Variants in ABCC1 observed in about 807,000 individuals in gnomAD.
ABCC1 encodes multidrug resistance-associated protein 1.
A neutral mutation model predicts 172.9 loss-of-function variants in ABCC1; 83 were observed. The observed-to-expected ratio is 0.48, with a 90% CI of 0.40 to 0.58. The LOEUF (loss-of-function observed/expected upper bound fraction) is 0.58. Ranked by LOEUF, ABCC1 falls within the 20% of genes least tolerant of loss-of-function variation. The pLI is 0.00. For missense variants in ABCC1, 1,817 were observed against 2,002.7 expected, an observed-to-expected ratio of 0.91 and a Z score of 1.77; for synonymous variants, 937 against 825.2, an observed-to-expected ratio of 1.14 and a Z score of -2.32.
intron 17 of ABCC1, among the ~76,000 whole-genome samples, chr16:16,086,087 G>A (rs2050994303): frequency 6.6e-6 from 1 of 152,154 alleles, no homozygotes; most frequent in African/African-American, 2.4e-5. Flanking sequence ...GTCACCAACA[G>A]CAGCAGTAAC....
intron 4 of ABCC1, among the ~76,000 whole-genome samples, chr16:16,015,226 A>G (rs539931342): frequency 6.8e-6 from 1 of 145,996 alleles, no homozygotes; most frequent in African/African-American, 2.6e-5. Flanking sequence ...TGTAACTTCT[A>G]CCTCCTATGT....
In ABCC1 at chr16:15,987,605, A is replaced by G. The variant is rs192193211; in HGVS notation, c.49-20211A>G. ...GTTGTGAAAACCCAGGATGTTTCCA[A>G]ATGTTGTCACATGTCCCCTGAGTGA... On this transcript the variant is annotated intron_variant, in intron 1 of 30. Coordinates refer to ENST00000399410, the MANE Select transcript of ABCC1 (RefSeq NM_004996.4). 2.0e-5 allele frequency among the ~76,000 whole-genome samples: 3 copies of G among 152,348 alleles called. No individual in the cohort carries two copies. In the East Asian group the frequency reaches 5.8e-4, roughly 29 times the overall value.
At chr16:16,140,715 A>G (rs900981512) in intron 30 of ABCC1, among the ~76,000 whole-genome samples, 1 of 152,216 alleles carries the variant, frequency 6.6e-6, no homozygotes, top group Non-Finnish European at 1.5e-5. Flanking sequence ...ACGCAGCCAC[A>G]TCTGTTCATT....
chr16:16,079,253 C>T (rs1418088017), intron 15 of ABCC1, 99 bp from the exon 16 acceptor site: 2 of 1,534,826 alleles, frequency 1.3e-6, no homozygotes, highest in Admixed American at 1.9e-5. Flanking sequence ...CTGTCTTTCT[C>T]TTTCTCTACT....
At chr16:16,098,945 AGGCCAGAGAC>A in intron 19 of ABCC1, 1 of 1,347,662 alleles carries the variant, frequency 7.4e-7, no homozygotes, top group South Asian at 1.1e-5. Context: ...TCATAGAATG[AGGCCAGAGAC>A]GGGCCGAGAC....
intron 23 of ABCC1, among the ~76,000 whole-genome samples, chr16:16,117,800 G>A (rs1413233914): frequency 6.6e-6 from 1 of 152,162 alleles, no homozygotes; most frequent in African/African-American, 2.4e-5. Context: ...CAGCTGCTCT[G>A]AAGGCTGAGA....
intron 29 of ABCC1, among the ~76,000 whole-genome samples, 186 bp downstream of exon 29, chr16:16,136,830 A>G (rs190715206): frequency 6.6e-6 from 1 of 152,164 alleles, no homozygotes; most frequent in Non-Finnish European, 1.5e-5. Context: ...GGCTCTTTGT[A>G]CCATGAGGTA....
At chr16:15,991,702 T>G (rs1236396420) in intron 1 of ABCC1, among the ~76,000 whole-genome samples, 1 of 152,186 alleles carries the variant, frequency 6.6e-6, no homozygotes, top group African/African-American at 2.4e-5. Context: ...GGGCTGTTCC[T>G]TCACCTTGCT....
chr16:16,105,815 C>T (rs544093938), intron 20 of ABCC1, among the ~76,000 whole-genome samples: 169 of 148,620 alleles, frequency 1.1e-3, no homozygotes, highest in Non-Finnish European at 1.7e-3. Flanking sequence ...CTGTGGGCGA[C>T]GCAATCTGTG....
intron 1 of ABCC1, among the ~76,000 whole-genome samples, chr16:15,965,390 C>T (rs1016824854): frequency 3.9e-5 from 6 of 152,006 alleles, no homozygotes; most frequent in Non-Finnish European, 8.8e-5. Flanking sequence ...CTCCCAGGTT[C>T]ACGCCATTCT....
intron 12 of ABCC1, among the ~76,000 whole-genome samples, chr16:16,057,698 T>A (rs1025191005): frequency 1.3e-5 from 2 of 152,190 alleles, no homozygotes; most frequent in African/African-American, 2.4e-5. Flanking sequence ...GGAATCATAC[T>A]GTACATAGTG....
chr16:16,025,821 C>T (rs879898689), intron 5 of ABCC1, among the ~76,000 whole-genome samples: 3 of 152,210 alleles, frequency 2.0e-5, no homozygotes, highest in African/African-American at 4.8e-5. Flanking sequence ...CTCCCTCTGC[C>T]TTCAGCCAGG....
In ABCC1 at chr16:16,142,880, G is replaced by A. The variant is rs2046177382; in HGVS notation, c.*1599G>A. On this transcript the variant is annotated 3_prime_UTR_variant, in exon 31 of 31. Transcript: ENST00000399410. ...AAGACTCAGACTTGCTAAGAATTAC[G>A]CCGCCGACTTCAAACCCAGAGAGCA... The A allele has an allele frequency of 1.3e-5, 2 of 152,558 alleles. No homozygotes were observed. The highest frequency in any genetic ancestry group is 2.1e-4 in the South Asian group (1 of 4,828). 9.5% of individuals were successfully genotyped at this position (152,558 alleles called of 1,614,324 possible). A position where few individuals can be genotyped will look rare whatever the true frequency, so the allele number is the denominator to read the frequency against.
At chr16:16,044,236 G>T (rs1203121534) in intron 7 of ABCC1, among the ~76,000 whole-genome samples, 2 of 152,224 alleles carry the variant, frequency 1.3e-5, no homozygotes. Context: ...TCACGCAGCT[G>T]GCCAGTGGCC....
chr16:16,087,725 C>T (rs1694881027), intron 18 of ABCC1, among the ~76,000 whole-genome samples: 1 of 152,210 alleles, frequency 6.6e-6, no homozygotes, highest in African/African-American at 2.4e-5. Context: ...TCCTGCAATG[C>T]TGGGATTACA....
chr16:15,970,113 CAA>C, intron 1 of ABCC1, among the ~76,000 whole-genome samples: 1 of 152,250 alleles, frequency 6.6e-6, no homozygotes, highest in South Asian at 2.1e-4. Context: ...CTATGTGTGT[CAA>C]AGACCCCAAA....
intron 13 of ABCC1, 62 bp from the exon 14 acceptor site, chr16:16,071,580 T>C: frequency 7.1e-7 from 1 of 1,408,714 alleles, no homozygotes; most frequent in Non-Finnish European, 9.9e-7. Context: ...AAGTTAACCT[T>C]GGTTGGTTTT....
chr16:16,067,786 A>C (rs913209039), intron 12 of ABCC1, among the ~76,000 whole-genome samples: 5 of 152,172 alleles, frequency 3.3e-5, no homozygotes, highest in Non-Finnish European at 7.4e-5. Context: ...GGGAGGAGTC[A>C]GGTGGCCCCC....
chr16:16,070,135 A>C (rs916583399), intron 13 of ABCC1, among the ~76,000 whole-genome samples: 7 of 152,140 alleles, frequency 4.6e-5, no homozygotes, highest in African/African-American at 1.7e-4. Flanking sequence ...TAATCCCAGC[A>C]CTGTGGGAGG....
Sources: gnomAD v4.1 joint callset for allele counts (sites outside exome capture counted in the v4.1 genomes callset) on GRCh38, gnomAD v4.1.1 for gene constraint, MANE v1.5 for transcripts, NCBI Gene and HGNC (gene_info 2026-07-23, HGNC 2026-07-21) for gene names.